Variants in AP1M2 observed in about 807,000 individuals in gnomAD.
AP1M2 encodes the protein adaptor related protein complex 1 subunit mu 2, also known as AP-1 complex subunit mu-2.
A neutral mutation model predicts 54.6 loss-of-function variants in AP1M2; 41 were observed. That is an observed-to-expected ratio of 0.75 (90% CI 0.59 to 0.97). The LOEUF is 0.97. Among genes scored for constraint, AP1M2 ranks in the 50% least tolerant of loss-of-function variants. The probability of loss-of-function intolerance (pLI) is 0.00; values close to 1 mark genes in which losing one functional copy is unlikely to be tolerated. For missense variants in AP1M2, 507 were observed against 561.2 expected (o/e 0.90, Z 0.98); for synonymous variants, 219 against 215.9 (o/e 1.01, Z -0.13).
chr19:10,586,028 A>G (rs925340061), intron 1 of AP1M2, among the ~76,000 whole-genome samples: 1 of 152,072 alleles, frequency 6.6e-6, no homozygotes, highest in Non-Finnish European at 1.5e-5. Flanking sequence ...TCATGTCTGT[A>G]ATCCCAGCAC....
rs1252223422 is a variant in AP1M2 at position 10,579,693 on chromosome 19, G to C, written c.816+23C>G. 14 of 1,603,174 alleles carry C rather than the reference G, an allele frequency of 8.7e-6. No individual in the cohort carries two copies. The highest frequency in any genetic ancestry group is 1.1e-5 in the Non-Finnish European group (13 of 1,174,566). On this transcript the variant is annotated intron_variant, in intron 7 of 11. Coordinates refer to ENST00000250244, the MANE Select transcript of AP1M2 (RefSeq NM_005498.5). ...AGCCTACCCCAACCTACTCCACCCA[G>C]ATGGGGCTGGACCCTGCCTCACCTG... is the stretch of plus-strand genomic sequence containing the variant.
intron 1 of AP1M2, among the ~76,000 whole-genome samples, chr19:10,585,335 GAA>G (rs1431997744): frequency 1.2e-4 from 18 of 150,884 alleles, no homozygotes; most frequent in Middle Eastern, 3.5e-3. Flanking sequence ...AAGAAAGAAA[GAA>G]AGAAAGAAAG....
intron 1 of AP1M2, among the ~76,000 whole-genome samples, chr19:10,586,850 A>T (rs1917668674): frequency 6.6e-6 from 1 of 152,204 alleles, no homozygotes; most frequent in South Asian, 2.1e-4. Context: ...AACACTGTGG[A>T]TGCCGACAGT....
intron 1 of AP1M2, among the ~76,000 whole-genome samples, chr19:10,586,078 T>G (rs1343931471): frequency 6.6e-6 from 1 of 151,942 alleles, no homozygotes; most frequent in African/African-American, 2.4e-5. Flanking sequence ...GGTCAAGAGA[T>G]TGAGACCATC....
Position 10,579,781 on chromosome 19 carries a change from G to C in AP1M2, c.751C>G (p.Arg251Gly), listed in dbSNP as rs376655050. Residue 251 changes from arginine to glycine, a missense_variant, in exon 7 of 12, where the codon CGC becomes GGC. Coordinates refer to ENST00000250244, the MANE Select transcript of AP1M2 (RefSeq NM_005498.5). ...CVRLSRFDND[R>G]TISFIPPDGD... is the part of the protein sequence containing the mutation. ...TCAGGCGGGATGAAGGAGATGGTGC[G>C]GTCGTTGTCAAAGCGAGAGAGCCGC... The C allele has an allele frequency of 1.5e-5, 25 of 1,613,754 alleles. No individual in the cohort carries two copies. Among genetic ancestry groups the C allele is most frequent in the Non-Finnish European group, 1.9e-5 (23 of 1,179,890 alleles).
At chr19:10,577,497 G>T in intron 8 of AP1M2, 141 bp from the exon 9 acceptor site, 1 of 889,294 alleles carries the variant, frequency 1.1e-6, no homozygotes, top group Middle Eastern at 3.7e-4. Flanking sequence ...GCAGTGGCGC[G>T]ATCTCGGCTG....
intron 8 of AP1M2, 35 bp from the exon 9 acceptor site, chr19:10,577,391 C>T (rs922117184): frequency 1.7e-6 from 2 of 1,164,366 alleles, no homozygotes; most frequent in Non-Finnish European, 1.2e-6. Flanking sequence ...ACGAAGAATT[C>T]GCTTGCTCAT....
chr19:10,583,153 A>G (rs1024672065), intron 3 of AP1M2, among the ~76,000 whole-genome samples: 1 of 151,260 alleles, frequency 6.6e-6, no homozygotes, highest in African/African-American at 2.4e-5. Context: ...AAGCACAGAG[A>G]CAAGAAGTCA....
intron 1 of AP1M2, among the ~76,000 whole-genome samples, chr19:10,585,320 A>AAAGAAAGAAAGG (rs1917615929): frequency 7.1e-6 from 1 of 141,382 alleles, no homozygotes; most frequent in Non-Finnish European, 1.6e-5. Flanking sequence ...AGAAAGAAAG[A>AAAGAAAGAAAGG]AAGAAAGAAA....
At position 10,575,026 on chromosome 19, in the gene AP1M2, C is replaced by T. The variant is rs779076082; in HGVS notation, c.1051G>A (p.Gly351Ser). 5.3e-6 allele frequency: 8 copies of T among 1,509,600 alleles called. No homozygotes were observed. The highest frequency in any genetic ancestry group is 6.2e-6 in the Non-Finnish European group (7 of 1,125,942). 93.5% of individuals were successfully genotyped at this position (1,509,600 alleles called of 1,614,324 possible). A position where few individuals can be genotyped will look rare whatever the true frequency, so the allele number is the denominator to read the frequency against. ...VIWSIKSFPG[G>S]KEYLMRAHFG... ...TGGGCTCGCATCAAGTACTCCTTGC[C>T]CCCCTGAGGGAACATGGGGGCATCA... is the stretch of plus-strand genomic sequence containing the variant. The change falls in exon 10 of 12, where the codon GGC becomes AGC. Residue 351 changes from glycine (G) to serine (S), a missense_variant. Gly to Ser is a moderately conservative substitution (Grantham distance 56, BLOSUM62 0). Coordinates refer to ENST00000250244, the MANE Select transcript of AP1M2 (RefSeq NM_005498.5).
intron 11 of AP1M2, among the ~76,000 whole-genome samples, chr19:10,573,506 C>A (rs967543372): frequency 3.3e-5 from 5 of 152,042 alleles, no homozygotes; most frequent in Admixed American, 6.6e-5. Context: ...CACTCATGAT[C>A]AACAAGGCTA....
intron 8 of AP1M2, among the ~76,000 whole-genome samples, chr19:10,578,095 AG>A (rs1488289472): frequency 2.0e-5 from 3 of 152,170 alleles, no homozygotes; most frequent in African/African-American, 7.2e-5. Flanking sequence ...GAAGGCACCA[AG>A]AACAGGGCTT....
At chr19:10,575,384 T>C (rs949021586) in intron 9 of AP1M2, among the ~76,000 whole-genome samples, 7 of 152,064 alleles carry the variant, frequency 4.6e-5, no homozygotes, top group Non-Finnish European at 8.8e-5. Flanking sequence ...AGGGTTTTTT[T>C]CTTTTTTTAA....
rs780660639 is a variant in AP1M2, at chr19:10,575,044, G to C, written c.1048-15C>G. 6.7e-7 allele frequency: 1 copy of C among 1,483,428 alleles called. No individual in the cohort carries two copies. The highest frequency in any genetic ancestry group is 2.4e-5 in the Admixed American group (1 of 41,132). 91.9% of individuals were successfully genotyped at this position (1,483,428 alleles called of 1,614,324 possible). On this transcript the variant is annotated splice_polypyrimidine_tract_variant and intron_variant, in intron 9 of 11. Coordinates refer to ENST00000250244, the MANE Select transcript of AP1M2 (RefSeq NM_005498.5). ...TCCTTGCCCCCCTGAGGGAACATGG[G>C]GGCATCAGGTACACGAGGGTCCGCC... is the stretch of plus-strand genomic sequence containing the variant.
At chr19:10,578,511 A>C (rs1276428322) in intron 8 of AP1M2, among the ~76,000 whole-genome samples, 2 of 150,040 alleles carry the variant, frequency 1.3e-5, no homozygotes, top group Non-Finnish European at 3.0e-5. Flanking sequence ...AAACAAAAAA[A>C]CCCTTCAGTC....
At chr19:10,578,717 A>G (rs1379043122) in intron 8 of AP1M2, among the ~76,000 whole-genome samples, 175 bp downstream of exon 8, 1 of 151,770 alleles carries the variant, frequency 6.6e-6, no homozygotes, top group Non-Finnish European at 1.5e-5. Context: ...TTACCAGGCT[A>G]ATTTTTGTAT....
chr19:10,580,512 A>T (rs1442034094), intron 6 of AP1M2, among the ~76,000 whole-genome samples: 9 of 152,128 alleles, frequency 5.9e-5, no homozygotes, highest in Admixed American at 5.9e-4. Context: ...ATACAAAAAA[A>T]ATTAGCTGGG....
At chr19:10,580,647 G>T (rs12978228) in intron 6 of AP1M2, among the ~76,000 whole-genome samples, 34,097 of 151,710 alleles carry the variant, frequency 0.22, 4,914 homozygotes, top group East Asian at 0.62. Flanking sequence ...GGGTGACGGA[G>T]CGAGACTCCA....
rs1299157114 is a variant in AP1M2, at chr19:10,577,736, T to TC, written c.889-381_889-380insG. 6.4e-5 allele frequency among the ~76,000 whole-genome samples: 5 copies of TC among 77,946 alleles called. No homozygotes were observed. In the East Asian group the frequency reaches 6.8e-3, roughly 106 times the overall value. The allele number at this position is 77,946 out of a possible 152,430, so 51.1% of individuals were successfully genotyped here. A position where few individuals can be genotyped will look rare whatever the true frequency, so the allele number is the denominator to read the frequency against. On this transcript the variant is annotated intron_variant, in intron 8 of 11. Coordinates refer to ENST00000250244, the MANE Select transcript of AP1M2 (RefSeq NM_005498.5). ...AGGCGTGAGCCACCATGCTTGGCCT[T>TC]TTTTTTTTTTTTTTTTTTTAGACGG... is the stretch of plus-strand genomic sequence containing the variant.
Sources: gnomAD v4.1 joint callset for allele counts (sites outside exome capture counted in the v4.1 genomes callset) on GRCh38, gnomAD v4.1.1 for gene constraint, MANE v1.5 for transcripts, NCBI Gene and HGNC (gene_info 2026-07-23, HGNC 2026-07-21) for gene names.